The following TRMT11 variants were observed in gnomAD, a reference collection of about 807,000 sequenced individuals.
TRMT11 encodes tRNA (guanine(10)-N(2))-methyltransferase TRMT11.
Under a neutral mutation model 62.8 loss-of-function variants are expected in TRMT11, and 53 were observed. That is an observed-to-expected ratio of 0.84 (90% CI 0.68 to 1.06). The LOEUF (loss-of-function observed/expected upper bound fraction) is 1.06. Among genes scored for constraint, TRMT11 ranks in the 50% least tolerant of loss-of-function variants. The probability of loss-of-function intolerance (pLI) is 0.00; values close to 1 mark genes in which losing one functional copy is unlikely to be tolerated. For missense variants in TRMT11, 556 were observed against 553.4 expected (o/e 1.00, Z -0.05); for synonymous variants, 188 against 190.3 (o/e 0.99, Z 0.10).
At chr6:126,220,586 T>A in the TRMT11 span, among the ~76,000 whole-genome samples, 45 of 152,318 alleles carry the variant, frequency 3.0e-4, 1 homozygote, top group Admixed American at 2.7e-3. Flanking sequence ...CTTTAGGAAG[T>A]TCACAGTCAG....
chr6:126,235,293 G>T, the TRMT11 span, among the ~76,000 whole-genome samples: 1 of 152,212 alleles, frequency 6.6e-6, no homozygotes, highest in East Asian at 1.9e-4. Flanking sequence ...AAGACAGTTT[G>T]TCGAATCCTC....
chr6:126,169,459 A>G (rs894026106), intron 21 of TRMT11, among the ~76,000 whole-genome samples: 1 of 152,222 alleles, frequency 6.6e-6, no homozygotes, highest in Non-Finnish European at 1.5e-5. Context: ...GAAAAGACTC[A>G]TCAGTCTGAA....
intron 21 of TRMT11, among the ~76,000 whole-genome samples, chr6:126,148,097 A>G: frequency 6.6e-6 from 1 of 152,302 alleles, no homozygotes; most frequent in East Asian, 1.9e-4. Flanking sequence ...AAAATTTAGA[A>G]AGAGGTTAAA....
the TRMT11 span, among the ~76,000 whole-genome samples, chr6:126,230,855 A>G: frequency 6.6e-6 from 1 of 152,330 alleles, no homozygotes; most frequent in South Asian, 2.1e-4. Context: ...GTATATGTCT[A>G]CGTTAAAACT....
chr6:126,191,777 T>C (rs1414304525), intron 1 of TRMT11, among the ~76,000 whole-genome samples: 1 of 152,086 alleles, frequency 6.6e-6, no homozygotes, highest in South Asian at 2.1e-4. Flanking sequence ...TATCTCTGGG[T>C]TCTCTAATCT....
At chr6:126,088,111 A>C (rs776402828) in intron 17 of TRMT11, among the ~76,000 whole-genome samples, 22 of 151,576 alleles carry the variant, frequency 1.5e-4, no homozygotes, top group Non-Finnish European at 1.5e-4. Flanking sequence ...TATATAGTAC[A>C]TAGTCTATAT....
chr6:126,156,181 G>A (rs567943976), intron 21 of TRMT11, among the ~76,000 whole-genome samples: 1 of 152,320 alleles, frequency 6.6e-6, no homozygotes, highest in East Asian at 1.9e-4. Context: ...TGCTCTCACA[G>A]GTTGGAGTTG....
chr6:126,105,516 G>A (rs575786552), intron 17 of TRMT11, among the ~76,000 whole-genome samples: 9 of 152,114 alleles, frequency 5.9e-5, no homozygotes, highest in East Asian at 5.8e-4. Flanking sequence ...CAGATGATGC[G>A]GGGTAGAGGC....
At position 126,141,474 on chromosome 6, in the gene TRMT11, A is replaced by C. The variant is rs1477409058; in HGVS notation, c.*1823+25619A>C. On this transcript the variant is annotated intron_variant and NMD_transcript_variant, in intron 21 of 22. Coordinates refer to the TRMT11 transcript ENST00000648977. ...AATTTGAATATATCATTCAAGCATG[A>C]ATATATAGGTTGTACTGCTGTTGCA... is the stretch of plus-strand genomic sequence containing the variant. 6.6e-5 allele frequency among the ~76,000 whole-genome samples: 10 copies of C among 152,260 alleles called. No individual in the cohort carries two copies. The East Asian group carries it at 1.7e-3, about 26-fold the overall frequency.
chr6:126,123,828 C>T (rs1777677726), intron 21 of TRMT11, among the ~76,000 whole-genome samples: 1 of 152,058 alleles, frequency 6.6e-6, no homozygotes, highest in South Asian at 2.1e-4. Context: ...ATTGAAACTT[C>T]TCTACTGATT....
chr6:126,051,202 C>G (rs1370531476), intron 16 of TRMT11, among the ~76,000 whole-genome samples: 1 of 152,152 alleles, frequency 6.6e-6, no homozygotes, highest in Non-Finnish European at 1.5e-5. Context: ...AGGGACATCC[C>G]TACAGCACCA....
At chr6:126,008,622 C>G (rs765070878) in intron 8 of TRMT11, 150 bp downstream of exon 8, 2 of 750,564 alleles carry the variant, frequency 2.7e-6, no homozygotes, top group Admixed American at 3.8e-5. Flanking sequence ...CTTGAAACAT[C>G]AAGGCCAATC....
At chr6:126,093,631 A>ATATATATATTTTTTTTTTTT (rs1554236842) in intron 17 of TRMT11, among the ~76,000 whole-genome samples, 12 of 98,008 alleles carry the variant, frequency 1.2e-4, no homozygotes, top group African/African-American at 4.4e-4. Flanking sequence ...ATATATATAT[A>ATATATATATTTTTTTTTTTT]TTTTCCCCCA....
At chr6:126,266,734 C>A in the TRMT11 span, among the ~76,000 whole-genome samples, 1 of 152,152 alleles carries the variant, frequency 6.6e-6, no homozygotes, top group South Asian at 2.1e-4. Flanking sequence ...ATTTTCATTG[C>A]CATAATAATC....
chr6:126,160,075 A>C (rs1269908425), intron 21 of TRMT11, among the ~76,000 whole-genome samples: 2 of 152,172 alleles, frequency 1.3e-5, no homozygotes, highest in African/African-American at 4.8e-5. Context: ...TTCTCTTATA[A>C]AGACACCAGT....
the TRMT11 span, among the ~76,000 whole-genome samples, chr6:126,249,434 TTAAATAACTATAATATTG>T: frequency 1.3e-5 from 2 of 152,256 alleles, no homozygotes; most frequent in African/African-American, 4.8e-5. Flanking sequence ...GGAACTACAT[TTAAATAACTATAATATTG>T]TAAAAGCTGG....
chr6:126,142,804 C>A (rs191220395), intron 21 of TRMT11, among the ~76,000 whole-genome samples: 1 of 152,176 alleles, frequency 6.6e-6, no homozygotes, highest in Admixed American at 6.6e-5. Flanking sequence ...ATGTCCCCAG[C>A]TCCATTTCTC....
chr6:126,204,677 T>G (rs780863337), downstream of TRMT11, among the ~76,000 whole-genome samples: 3 of 152,000 alleles, frequency 2.0e-5, no homozygotes, highest in Non-Finnish European at 2.9e-5. Context: ...CTTGGGGTGG[T>G]GAGATTTCAT....
chr6:126,053,797 C>G (rs1186170679), intron 17 of TRMT11, among the ~76,000 whole-genome samples: 1 of 152,016 alleles, frequency 6.6e-6, no homozygotes, highest in Non-Finnish European at 1.5e-5. Context: ...AATAATAAAA[C>G]CTACATTTAA....
Sources: allele counts gnomAD v4.1 joint callset (sites outside exome capture counted in the v4.1 genomes callset), GRCh38; gene constraint gnomAD v4.1.1; transcripts MANE v1.5; gene names NCBI Gene and HGNC (gene_info 2026-07-23, HGNC 2026-07-21).